MAP3K5: variants seen among roughly 807,000 people sequenced by gnomAD.
MAP3K5 encodes mitogen-activated protein kinase kinase kinase 5, also known as ASK-1.
In MAP3K5, 56 loss-of-function variants were observed where a neutral mutation model predicts 158.7. The ratio of observed to expected loss-of-function variants is 0.35; its 90% CI spans 0.28 to 0.44. The LOEUF is 0.44. Ranked by LOEUF, MAP3K5 falls within the 20% of genes least tolerant of loss-of-function variation. MAP3K5 has a pLI of 1.00. For synonymous variants in MAP3K5, 579 were observed against 601.7 expected (o/e 0.96, Z 0.55); for missense variants, 1,294 against 1,674.8 (o/e 0.77, Z 3.97).
At chr6:136,655,825 G>T (rs563208820) in intron 10 of MAP3K5, among the ~76,000 whole-genome samples, 1 of 152,120 alleles carries the variant, frequency 6.6e-6, no homozygotes, top group African/African-American at 2.4e-5. Flanking sequence ...ATTTCCCATG[G>T]TCTAAAACAT....
intron 1 of MAP3K5, among the ~76,000 whole-genome samples, chr6:136,781,700 G>A (rs1784618202): frequency 6.6e-6 from 1 of 152,206 alleles, no homozygotes; most frequent in African/African-American, 2.4e-5. Context: ...AGGAGGAGGA[G>A]TAGCACTGAA....
intron 3 of MAP3K5, among the ~76,000 whole-genome samples, chr6:136,703,027 T>C (rs1419782433): frequency 6.7e-6 from 1 of 150,192 alleles, no homozygotes; most frequent in Non-Finnish European, 1.5e-5. Flanking sequence ...TTTTTCTTTC[T>C]TTTTTTTTAA....
intron 1 of MAP3K5, among the ~76,000 whole-genome samples, chr6:136,753,476 G>C (rs561527794): frequency 9.9e-5 from 15 of 152,030 alleles, no homozygotes; most frequent in African/African-American, 3.6e-4. Flanking sequence ...GTGGCAGCAA[G>C]GGAACATCAC....
intron 25 of MAP3K5, among the ~76,000 whole-genome samples, chr6:136,570,448 T>G (rs1774310634): frequency 1.3e-5 from 2 of 152,188 alleles, no homozygotes; most frequent in Non-Finnish European, 2.9e-5. Flanking sequence ...GATGTGTGGA[T>G]GACAAACTCT....
chr6:136,752,958 C>G (rs1181076585), intron 1 of MAP3K5, among the ~76,000 whole-genome samples: 4 of 152,190 alleles, frequency 2.6e-5, no homozygotes, highest in Non-Finnish European at 4.4e-5. Context: ...TCACACCACT[C>G]AGGCCTGGTT....
chr6:136,678,836 C>A (rs1418178279), intron 7 of MAP3K5, among the ~76,000 whole-genome samples: 1 of 152,100 alleles, frequency 6.6e-6, no homozygotes, highest in Non-Finnish European at 1.5e-5. Flanking sequence ...AGCAATTCTC[C>A]TGCCTCAGCC....
chr6:136,643,835 A>C (rs1474863486), intron 11 of MAP3K5, among the ~76,000 whole-genome samples: 2 of 152,046 alleles, frequency 1.3e-5, no homozygotes, highest in African/African-American at 4.8e-5. Context: ...AAAATAGCAG[A>C]CTGCAGCCTC....
chr6:136,647,184 C>T (rs1348063074), intron 11 of MAP3K5, among the ~76,000 whole-genome samples: 2 of 152,190 alleles, frequency 1.3e-5, no homozygotes, highest in African/African-American at 4.8e-5. Flanking sequence ...CCCTCCAGAG[C>T]CTCAGACTTC....
At chr6:136,732,719 T>C (rs1178671683) in intron 1 of MAP3K5, among the ~76,000 whole-genome samples, 2 of 152,236 alleles carry the variant, frequency 1.3e-5, no homozygotes, top group Non-Finnish European at 2.9e-5. Context: ...CATTTTAGCA[T>C]TCCTTTTACT....
At chr6:136,624,306 T>C (rs536633169) in intron 14 of MAP3K5, among the ~76,000 whole-genome samples, 2 of 152,278 alleles carry the variant, frequency 1.3e-5, no homozygotes, top group African/African-American at 2.4e-5. Flanking sequence ...TTTAACAACA[T>C]AGCCTTGAAA....
chr6:136,739,901 T>A (rs999709508), intron 1 of MAP3K5, among the ~76,000 whole-genome samples: 3 of 152,208 alleles, frequency 2.0e-5, no homozygotes, highest in African/African-American at 7.2e-5. Flanking sequence ...CGGCAGTTCC[T>A]GCACCATTAG....
chr6:136,688,185 C>T (rs959858393), intron 7 of MAP3K5, among the ~76,000 whole-genome samples: 1 of 152,068 alleles, frequency 6.6e-6, no homozygotes, highest in Admixed American at 6.6e-5. Context: ...AACCAAACAC[C>T]GCATGTTCTC....
chr6:136,681,204 T>A (rs1441975131), intron 7 of MAP3K5, among the ~76,000 whole-genome samples: 1 of 152,228 alleles, frequency 6.6e-6, no homozygotes, highest in African/African-American at 2.4e-5. Context: ...TCCTTTTCAG[T>A]ATAATGCCTG....
In MAP3K5 at chr6:136,609,518, C is replaced by T. The variant is rs77841450; in HGVS notation, c.2521+1764G>A. 0.013 allele frequency among the ~76,000 whole-genome samples: 1,903 copies of T among 152,102 alleles called. 44 individuals carry two copies. The highest frequency in any genetic ancestry group is 0.043 in the African/African-American group (1,787 of 41,470). ...ATACAAAATCTGAGTTCTGGCTAGG[C>T]GTGGGGGTTCGCACATGTAATCCCA... On this transcript the variant is annotated intron_variant, in intron 18 of 29. Transcript: ENST00000359015. The surrounding 1 kb of genome is among the most constrained non-coding windows in gnomAD (Gnocchi z 4.4).
chr6:136,673,743 A>G (rs1326305916), intron 7 of MAP3K5, among the ~76,000 whole-genome samples: 1 of 151,914 alleles, frequency 6.6e-6, no homozygotes, highest in Non-Finnish European at 1.5e-5. Flanking sequence ...ACACACATAA[A>G]ACAACAAAGC....
intron 16 of MAP3K5, among the ~76,000 whole-genome samples, 155 bp downstream of exon 16, chr6:136,614,004 T>C (rs1358824345): frequency 6.6e-6 from 1 of 152,230 alleles, no homozygotes; most frequent in Non-Finnish European, 1.5e-5. Flanking sequence ...CATTTATGGT[T>C]GACATCTCCT....
At chr6:136,715,528 T>A (rs1050496768) in intron 2 of MAP3K5, among the ~76,000 whole-genome samples, 1 of 152,160 alleles carries the variant, frequency 6.6e-6, no homozygotes, top group Non-Finnish European at 1.5e-5. Flanking sequence ...CTATTCTGAA[T>A]GTTGTTTATA....
At chr6:136,606,315 C>T (rs1776099235) in intron 18 of MAP3K5, among the ~76,000 whole-genome samples, 1 of 152,142 alleles carries the variant, frequency 6.6e-6, no homozygotes, top group African/African-American at 2.4e-5. Context: ...CACGCCACTG[C>T]ACTCCAGCCT....
intron 21 of MAP3K5, among the ~76,000 whole-genome samples, chr6:136,594,117 G>T (rs938598153): frequency 4.6e-5 from 7 of 152,244 alleles, no homozygotes; most frequent in Admixed American, 3.9e-4. Flanking sequence ...GCCACAAAGA[G>T]TTGCTGAATT....
Sources: gnomAD v4.1 joint callset for allele counts (sites outside exome capture counted in the v4.1 genomes callset) on GRCh38, gnomAD v4.1.1 for gene constraint, Gnocchi (gnomAD v3.1) non-coding constraint, MANE v1.5 for transcripts, NCBI Gene and HGNC (gene_info 2026-07-23, HGNC 2026-07-21) for gene names.